Variants in SLC24A3 observed in about 807,000 individuals in gnomAD.
SLC24A3 encodes the protein sodium/potassium/calcium exchanger 3.
In SLC24A3, 28 loss-of-function variants were observed where a neutral mutation model predicts 75.8. That is an observed-to-expected ratio of 0.37 (90% CI 0.27 to 0.51). The LOEUF (loss-of-function observed/expected upper bound fraction) is 0.51. Among genes scored for constraint, SLC24A3 ranks in the 20% least tolerant of loss-of-function variants. SLC24A3 has a pLI of 0.94. For missense variants in SLC24A3, 663 were observed against 847.8 expected (o/e 0.78, Z 2.71); for synonymous variants, 372 against 334.1 (o/e 1.11, Z -1.24).
intron 3 of SLC24A3, among the ~76,000 whole-genome samples, chr20:19,541,990 C>T (rs1042021378): frequency 5.9e-5 from 9 of 152,156 alleles, no homozygotes; most frequent in African/African-American, 2.2e-4. Flanking sequence ...GTTTTCCAAA[C>T]CAACGCAATA....
At chr20:19,263,434 TA>T (rs1183672325) in intron 1 of SLC24A3, among the ~76,000 whole-genome samples, 1 of 151,882 alleles carries the variant, frequency 6.6e-6, no homozygotes, top group Admixed American at 6.6e-5. Flanking sequence ...GTCTGAAAAA[TA>T]AAAAAAGCCT....
At chr20:19,234,438 C>T (rs1216489298) in intron 1 of SLC24A3, among the ~76,000 whole-genome samples, 2 of 152,238 alleles carry the variant, frequency 1.3e-5, no homozygotes, top group East Asian at 1.9e-4. Flanking sequence ...ATATGGTTTG[C>T]TCCTTGCATG....
At chr20:19,464,197 C>G (rs1987726817) in intron 2 of SLC24A3, among the ~76,000 whole-genome samples, 1 of 152,218 alleles carries the variant, frequency 6.6e-6, no homozygotes, top group South Asian at 2.1e-4. Flanking sequence ...CCTATGTCTT[C>G]TTAGAGCTGG....
intron 2 of SLC24A3, among the ~76,000 whole-genome samples, chr20:19,317,357 A>G (rs1043663558): frequency 6.6e-6 from 1 of 152,230 alleles, no homozygotes; most frequent in East Asian, 1.9e-4. Context: ...CTGGGCAGAC[A>G]CATGCATTCG....
At chr20:19,575,041 G>A (rs947926994) in intron 3 of SLC24A3, among the ~76,000 whole-genome samples, 1 of 151,994 alleles carries the variant, frequency 6.6e-6, no homozygotes, top group Non-Finnish European at 1.5e-5. Flanking sequence ...CTTGAGCTCA[G>A]GAGTTTGAGA....
chr20:19,665,831 G>GTGTGTC lies in SLC24A3; in HGVS notation c.688-32_688-31insGTGTCT, dbSNP rs398035484. ...TGTGTGTGTGTGTGTGTGTGTGTGT[G>GTGTGTC]TCTAATCTTCTATTCTTTTTATTTT... On this transcript the variant is annotated intron_variant, in intron 7 of 16. Coordinates refer to ENST00000328041, the MANE Select transcript of SLC24A3 (RefSeq NM_020689.4). The GTGTGTC allele has an allele frequency of 4.5e-5, 63 of 1,404,664 alleles. No individual in the cohort carries two copies. The African/African-American group carries it at 8.4e-4, about 19-fold the overall frequency. The allele number at this position is 1,404,664 out of a possible 1,614,324, so 87.0% of individuals were successfully genotyped here. A position where few individuals can be genotyped will look rare whatever the true frequency, so the allele number is the denominator to read the frequency against.
chr20:19,501,700 C>G (rs1371737049), intron 2 of SLC24A3, among the ~76,000 whole-genome samples: 1 of 152,194 alleles, frequency 6.6e-6, no homozygotes, highest in African/African-American at 2.4e-5. Context: ...ATGACTTGAC[C>G]TTGAAATATT....
chr20:19,331,844 A>T (rs1308085992), intron 2 of SLC24A3, among the ~76,000 whole-genome samples: 1 of 152,176 alleles, frequency 6.6e-6, no homozygotes, highest in African/African-American at 2.4e-5. Context: ...GTTACGGAAA[A>T]AGGGAATGAG....
chr20:19,404,509 C>A (rs1252489576), intron 2 of SLC24A3, among the ~76,000 whole-genome samples: 2 of 152,242 alleles, frequency 1.3e-5, no homozygotes, highest in Non-Finnish European at 2.9e-5. Context: ...CCCCTGGAGC[C>A]TAACGGGTCT....
chr20:19,522,709 C>G (rs937818996), intron 3 of SLC24A3, among the ~76,000 whole-genome samples: 1 of 152,086 alleles, frequency 6.6e-6, no homozygotes, highest in African/African-American at 2.4e-5. Flanking sequence ...AGCAACAGAA[C>G]GGGGTGGCGC....
chr20:19,669,747 T>C (rs1315980101), intron 8 of SLC24A3, among the ~76,000 whole-genome samples: 1 of 152,070 alleles, frequency 6.6e-6, no homozygotes, highest in African/African-American at 2.4e-5. Flanking sequence ...TTGGTGGGGC[T>C]GGAAAACAGC....
chr20:19,608,324 TA>T (rs1477193224), intron 6 of SLC24A3, among the ~76,000 whole-genome samples: 1 of 152,192 alleles, frequency 6.6e-6, no homozygotes, highest in African/African-American at 2.4e-5. Context: ...AGATGACTGT[TA>T]ATTAGCAACA....
intron 3 of SLC24A3, among the ~76,000 whole-genome samples, chr20:19,516,722 C>T (rs1253892721): frequency 6.6e-6 from 1 of 152,228 alleles, no homozygotes; most frequent in East Asian, 1.9e-4. Context: ...GCCCAGAGAG[C>T]TCAGAAAGGG....
At chr20:19,697,900 G>A (rs1465524027) in intron 14 of SLC24A3, among the ~76,000 whole-genome samples, 1 of 152,156 alleles carries the variant, frequency 6.6e-6, no homozygotes, top group Non-Finnish European at 1.5e-5. Flanking sequence ...GAAACCATCT[G>A]TATTAGTGCG....
At chr20:19,365,558 G>A (rs1568600524) in intron 2 of SLC24A3, among the ~76,000 whole-genome samples, 1 of 152,256 alleles carries the variant, frequency 6.6e-6, no homozygotes, top group South Asian at 2.1e-4. Flanking sequence ...GGCACTAGGG[G>A]ATTTTTTTTT....
chr20:19,706,121 C>T (rs2032927104), intron 15 of SLC24A3, among the ~76,000 whole-genome samples: 1 of 152,120 alleles, frequency 6.6e-6, no homozygotes, highest in African/African-American at 2.4e-5. Flanking sequence ...AGCAAGAGAC[C>T]ACCAGAGTCC....
intron 3 of SLC24A3, among the ~76,000 whole-genome samples, chr20:19,573,317 AT>A (rs2031082503): frequency 6.6e-6 from 1 of 152,162 alleles, no homozygotes; most frequent in Non-Finnish European, 1.5e-5. Flanking sequence ...GTGTTTTTCC[AT>A]TTAACCACTG....
At chr20:19,681,075 G>A (rs920354034) in intron 9 of SLC24A3, among the ~76,000 whole-genome samples, 47 of 152,280 alleles carry the variant, frequency 3.1e-4, no homozygotes, top group Middle Eastern at 3.4e-3. Flanking sequence ...AGTTTTCTAG[G>A]ATTCCTCTGT....
intron 1 of SLC24A3, among the ~76,000 whole-genome samples, chr20:19,232,913 G>A (rs550500363): frequency 2.0e-5 from 3 of 152,166 alleles, no homozygotes; most frequent in Admixed American, 1.3e-4. Context: ...GTATGAACGG[G>A]ACAATGATGG....
Sources: gnomAD v4.1 joint callset for allele counts (sites outside exome capture counted in the v4.1 genomes callset) on GRCh38, gnomAD v4.1.1 for gene constraint, MANE v1.5 for transcripts, NCBI Gene and HGNC (gene_info 2026-07-23, HGNC 2026-07-21) for gene names.